DENND5B: variants seen among roughly 807,000 people sequenced by gnomAD.
The protein encoded by DENND5B is DENN domain containing 5B.
DENND5B carries 34 observed loss-of-function variants against 140.6 expected under a neutral mutation model. The observed-to-expected ratio is 0.24, with a 90% confidence interval of 0.18 to 0.32. The LOEUF (loss-of-function observed/expected upper bound fraction) is 0.32, where lower values mean the gene tolerates loss of function less well. DENND5B is among the 10% of genes least tolerant of loss of function. DENND5B has a pLI of 1.00. For synonymous variants in DENND5B, 551 were observed against 562.1 expected (o/e 0.98, Z 0.28); for missense variants, 1,142 against 1,560.2 (o/e 0.73, Z 4.52).
intron 2 of DENND5B, among the ~76,000 whole-genome samples, chr12:31,494,173 TATCTATCTATCC>T (rs770820042): frequency 0.066 from 5,962 of 90,954 alleles, 164 homozygotes; most frequent in African/African-American, 0.078. Context: ...TCTATCTATC[TATCTATCTATCC>T]ATCCATCCAT....
intron 1 of DENND5B, among the ~76,000 whole-genome samples, chr12:31,540,078 T>C (rs1948635037): frequency 1.3e-5 from 2 of 152,044 alleles, no homozygotes; most frequent in South Asian, 2.1e-4. Flanking sequence ...TATAGGCCAA[T>C]AGCAAACAAT....
intron 3 of DENND5B, 96 bp downstream of exon 3, chr12:31,479,493 T>C: frequency 3.4e-6 from 4 of 1,167,324 alleles, no homozygotes; most frequent in Non-Finnish European, 4.6e-6. Flanking sequence ...AAGACTGTGA[T>C]CATTATTCGG....
intron 4 of DENND5B, among the ~76,000 whole-genome samples, chr12:31,455,745 G>A (rs561869005): frequency 1.1e-3 from 161 of 152,278 alleles, no homozygotes; most frequent in African/African-American, 3.8e-3. Flanking sequence ...AAGTGGGCTG[G>A]GCATGGTGGC....
intron 1 of DENND5B, among the ~76,000 whole-genome samples, chr12:31,571,297 T>C (rs1020749265): frequency 6.6e-6 from 1 of 152,232 alleles, no homozygotes; most frequent in Admixed American, 6.5e-5. Context: ...AGAGTTTATC[T>C]TGTCACTGAG....
chr12:31,468,426 T>C (rs1945378797), intron 3 of DENND5B, among the ~76,000 whole-genome samples: 1 of 151,270 alleles, frequency 6.6e-6, no homozygotes, highest in Non-Finnish European at 1.5e-5. Flanking sequence ...TAGAAAGAAG[T>C]GAATAATAAA....
intron 2 of DENND5B, among the ~76,000 whole-genome samples, chr12:31,489,558 G>T (rs1455674974): frequency 6.6e-6 from 1 of 152,202 alleles, no homozygotes; most frequent in African/African-American, 2.4e-5. Flanking sequence ...CAAGGACAGG[G>T]AAGAGAAGTA....
intron 17 of DENND5B, among the ~76,000 whole-genome samples, 156 bp from the exon 18 acceptor site, chr12:31,392,852 C>T (rs1438115922): frequency 6.6e-6 from 1 of 152,196 alleles, no homozygotes; most frequent in East Asian, 1.9e-4. Context: ...CCTGTTTGGC[C>T]AAGTGGGAAG....
intron 1 of DENND5B, among the ~76,000 whole-genome samples, chr12:31,514,671 G>T (rs1406432799): frequency 6.6e-6 from 1 of 151,924 alleles, no homozygotes; most frequent in Non-Finnish European, 1.5e-5. Flanking sequence ...CAAAAAATTT[G>T]CCAGGTGTGG....
At chr12:31,435,003 G>T (rs1396425061) in intron 7 of DENND5B, among the ~76,000 whole-genome samples, 1 of 152,068 alleles carries the variant, frequency 6.6e-6, no homozygotes, top group African/African-American at 2.4e-5. Context: ...TTTCTGTTAT[G>T]AACATAAATT....
chr12:31,410,090 T>G (rs1174960638), intron 13 of DENND5B, among the ~76,000 whole-genome samples: 1 of 152,232 alleles, frequency 6.6e-6, no homozygotes, highest in African/African-American at 2.4e-5. Flanking sequence ...AATGCATCTA[T>G]TTTATCTATC....
chr12:31,456,670 C>G (rs1209528772), intron 4 of DENND5B, among the ~76,000 whole-genome samples: 2 of 152,154 alleles, frequency 1.3e-5, no homozygotes, highest in Non-Finnish European at 2.9e-5. Flanking sequence ...TAGGCCGGAG[C>G]AGGAAGTATC....
At chr12:31,432,208 A>T in intron 8 of DENND5B, 1 of 730,684 alleles carries the variant, frequency 1.4e-6, no homozygotes, top group Non-Finnish European at 1.7e-6. Flanking sequence ...AAGGATAGGG[A>T]GAAAGAGACA....
In DENND5B at chr12:31,392,663, C is replaced by T; in HGVS notation, c.3290G>A (p.Gly1097Glu). 6.4e-7 allele frequency: 1 copy of T among 1,558,200 alleles called. No homozygotes were observed. The highest frequency in any genetic ancestry group is 8.7e-7 in the Non-Finnish European group (1 of 1,149,850). ...TTTCACAATATTGTTCACAGCTTCTCCAATTCCTTCTTGTATCTGCCCAGC... is the reference window on the plus strand; with the variant it reads ...TTTCACAATATTGTTCACAGCTTCTTCAATTCCTTCTTGTATCTGCCCAGC... ...PNAGQIQEGI[G>E]EAVNNIVKHF... Residue 1097 changes from glycine (G) to glutamate (E), a missense_variant, in exon 18 of 21, where the codon GGA becomes GAA. Physicochemically the swap from Gly to Glu is moderately conservative, Grantham distance 98. This residue lies in a region of DENND5B where 268 missense variants were observed against 349.2 expected (regional missense o/e 0.77). Transcript: ENST00000389082.
At chr12:31,581,280 G>A (rs956782173) in intron 1 of DENND5B, among the ~76,000 whole-genome samples, 2 of 152,136 alleles carry the variant, frequency 1.3e-5, no homozygotes, top group Admixed American at 1.3e-4. Flanking sequence ...CCATACTACA[G>A]TAATAATCTA....
chr12:31,509,520 C>T (rs994749479), intron 1 of DENND5B, among the ~76,000 whole-genome samples: 1 of 152,186 alleles, frequency 6.6e-6, no homozygotes, highest in South Asian at 2.1e-4. Flanking sequence ...CACTGAATTG[C>T]AGAGCCAAGA....
intron 9 of DENND5B, among the ~76,000 whole-genome samples, chr12:31,425,532 C>CT (rs1474331688): frequency 6.6e-6 from 1 of 152,110 alleles, no homozygotes; most frequent in Admixed American, 6.6e-5. Flanking sequence ...TTTACTTCTC[C>CT]TTTTTTATCT....
chr12:31,483,870 T>C (rs1295969801), intron 2 of DENND5B, among the ~76,000 whole-genome samples: 52 of 147,676 alleles, frequency 3.5e-4, no homozygotes, highest in South Asian at 2.1e-3. Context: ...CTTTTCTTTT[T>C]TTTTTTTTTT....
Position 31,424,651 on chromosome 12 carries a change from C to T in DENND5B, c.2275G>A (p.Ala759Thr). Reference sequence around the variant, plus strand: ...GCTTCTCCATGGCCAAGTTCCACCGCTTCATGTCCCATCTTCTCCACCAAC... The same window carrying T: ...GCTTCTCCATGGCCAAGTTCCACCGTTTCATGTCCCATCTTCTCCACCAAC... Reference protein sequence around the residue: ...RMLVEKMGHEAVELGHGEANI... With the variant: ...RMLVEKMGHETVELGHGEANI... Residue 759 changes from alanine to threonine, a missense_variant, in exon 10 of 21, where the codon GCG (alanine) becomes ACG (threonine). Ala to Thr is a moderately conservative substitution (Grantham distance 58). Coordinates refer to ENST00000389082, the MANE Select transcript of DENND5B (RefSeq NM_144973.4). 1 of 1,613,954 alleles carries T rather than the reference C, an allele frequency of 6.2e-7. No individual in the cohort carries two copies. The highest frequency in any genetic ancestry group is 8.5e-7 in the Non-Finnish European group (1 of 1,179,882).
chr12:31,442,358 C>G (rs75174372), intron 7 of DENND5B, among the ~76,000 whole-genome samples: 5,085 of 152,220 alleles, frequency 0.033, 133 homozygotes, highest in Non-Finnish European at 0.054. Flanking sequence ...ATTTCTACCC[C>G]CCAAAACTGT....
Sources: gnomAD v4.1 joint callset for allele counts (sites outside exome capture counted in the v4.1 genomes callset) on GRCh38, gnomAD v4.1.1 for gene constraint, gnomAD v4.1.1 regional missense constraint, MANE v1.5 for transcripts, NCBI Gene and HGNC (gene_info 2026-07-23, HGNC 2026-07-21) for gene names.